NPAS3: variants seen among roughly 807,000 people sequenced by gnomAD.
The protein encoded by NPAS3 is neuronal PAS domain-containing protein 3.
In NPAS3, 14 loss-of-function variants were observed where a neutral mutation model predicts 73.1. The observed-to-expected ratio is 0.19, with a 90% confidence interval of 0.13 to 0.30. The LOEUF (loss-of-function observed/expected upper bound fraction) is 0.30. Ranked by LOEUF, NPAS3 falls within the 10% of genes least tolerant of loss-of-function variation. NPAS3 has a pLI of 1.00. For missense variants in NPAS3, 1,096 were observed against 1,250.0 expected (o/e 0.88, Z 1.86); for synonymous variants, 620 against 541.5 (o/e 1.14, Z -2.01).
intron 3 of NPAS3, among the ~76,000 whole-genome samples, chr14:33,293,197 A>G (rs1039321993): frequency 1.3e-5 from 2 of 152,200 alleles, no homozygotes; most frequent in African/African-American, 4.8e-5. Flanking sequence ...TTAATGATGA[A>G]AAATCTTAAG....
upstream of NPAS3, among the ~76,000 whole-genome samples, chr14:32,938,493 G>T (rs1168679646): frequency 9.7e-6 from 1 of 102,900 alleles, no homozygotes; most frequent in Admixed American, 8.4e-5. Context: ...AATTGAGAGA[G>T]AGAGAGAGAG....
intron 7 of NPAS3, among the ~76,000 whole-genome samples, chr14:33,758,041 C>A (rs776225257): frequency 6.6e-6 from 1 of 152,174 alleles, no homozygotes; most frequent in Non-Finnish European, 1.5e-5. Context: ...TGAATGTTGT[C>A]ACACTCCTAA....
intron 2 of NPAS3, among the ~76,000 whole-genome samples, chr14:33,091,563 A>G (rs189804502): frequency 6.6e-6 from 1 of 152,324 alleles, no homozygotes. Flanking sequence ...CCAGAGGTAT[A>G]AGGAGGAGCT....
intron 2 of NPAS3, among the ~76,000 whole-genome samples, chr14:33,104,149 G>T (rs1474104598): frequency 6.6e-6 from 1 of 152,140 alleles, no homozygotes; most frequent in Non-Finnish European, 1.5e-5. Flanking sequence ...ATCTCCCTGT[G>T]TGCTGAGTTC....
chr14:33,764,213 C>T (rs1348771565), intron 7 of NPAS3, among the ~76,000 whole-genome samples: 1 of 152,182 alleles, frequency 6.6e-6, no homozygotes, highest in African/African-American at 2.4e-5. Context: ...GCAGAATGCT[C>T]TCTAGGACTA....
intron 4 of NPAS3, among the ~76,000 whole-genome samples, chr14:33,482,868 A>G (rs1241468094): frequency 6.6e-6 from 1 of 152,318 alleles, no homozygotes; most frequent in Non-Finnish European, 1.5e-5. Context: ...CTCAGTTGGA[A>G]CTAAAGAATT....
At position 33,763,845 on chromosome 14, in the gene NPAS3, G is replaced by GT. The variant is rs5807742; in HGVS notation, c.853-10480dup. On this transcript the variant is annotated intron_variant, in intron 7 of 11. Transcript: ENST00000356141. ...TTTTATCTAAATTTGGGGAGTATTG[G>GT]TTTTTTTTTTTTCCAAAATATATAT... is the stretch of plus-strand genomic sequence containing the variant. 1.9e-3 allele frequency among the ~76,000 whole-genome samples: 269 copies of GT among 145,022 alleles called. 1 individual carries two copies. The highest frequency in any genetic ancestry group is 0.01 in the South Asian group (46 of 4,592).
intron 6 of NPAS3, among the ~76,000 whole-genome samples, chr14:33,732,397 G>A (rs150264356): frequency 2.0e-5 from 3 of 152,304 alleles, no homozygotes; most frequent in African/African-American, 7.2e-5. Flanking sequence ...TCTGTCACAT[G>A]CAGATAATCT....
At chr14:33,799,873 C>G in exon 12 of NPAS3, 1 of 1,614,198 alleles carries the variant, frequency 6.2e-7, no homozygotes, top group Non-Finnish European at 8.5e-7. Flanking sequence ...GCTCCAGTAA[C>G]CCGGACAGCC....
chr14:33,460,178 ATG>A (rs2050197780), intron 4 of NPAS3, among the ~76,000 whole-genome samples: 2 of 152,186 alleles, frequency 1.3e-5, no homozygotes, highest in Admixed American at 6.6e-5. Context: ...AACATTGGCA[ATG>A]AAAAAAAGAT....
At chr14:33,572,541 G>A (rs1006085892) in intron 5 of NPAS3, among the ~76,000 whole-genome samples, 6 of 152,122 alleles carry the variant, frequency 3.9e-5, no homozygotes, top group Non-Finnish European at 8.8e-5. Flanking sequence ...GCTTGCCCAA[G>A]ATCATACAAC....
intron 1 of NPAS3, among the ~76,000 whole-genome samples, chr14:33,005,143 C>T (rs184697811): frequency 1.2e-4 from 19 of 152,106 alleles, no homozygotes; most frequent in Admixed American, 7.9e-4. Context: ...GTAACTTAGT[C>T]ATTTATTATC....
intron 3 of NPAS3, among the ~76,000 whole-genome samples, chr14:33,354,109 A>T (rs1325333988): frequency 6.6e-6 from 1 of 152,086 alleles, no homozygotes; most frequent in Non-Finnish European, 1.5e-5. Context: ...AGAGTTTTTC[A>T]TCTATGTCTC....
chr14:33,607,829 G>A (rs199504552), intron 5 of NPAS3, among the ~76,000 whole-genome samples: 8 of 152,240 alleles, frequency 5.3e-5, no homozygotes, highest in East Asian at 3.9e-4. Context: ...GAATCATGGC[G>A]GAAGGGGAAG....
chr14:33,284,390 T>A (rs1446199314), intron 3 of NPAS3, among the ~76,000 whole-genome samples: 1 of 152,050 alleles, frequency 6.6e-6, no homozygotes, highest in Admixed American at 6.6e-5. Context: ...TTTCAAAAAA[T>A]TTATAGGTAG....
Position 33,800,566 on chromosome 14 carries a change from G to A in NPAS3, c.2259G>A (p.Ala753=), listed in dbSNP as rs1278266850. 6 of 1,312,834 alleles carry A rather than the reference G, an allele frequency of 4.6e-6. No homozygotes were observed. Among genetic ancestry groups the A allele is most frequent in the East Asian group, 3.2e-5 (1 of 30,944 alleles). The allele number at this position is 1,312,834 out of a possible 1,614,324, so 81.3% of individuals were successfully genotyped here. The change falls in exon 12 of 12, where the codon GCG becomes GCA. Residue 753 remains alanine, a synonymous_variant. Transcript: ENST00000356141. The surrounding 1 kb of genome is among the most constrained non-coding windows in gnomAD (Gnocchi z 6.5). ...ACCCGCTGTCACCCCCGCTCTCGGC[G>A]TCCCCGCGGGACAAGCACCCCGGGA...
At chr14:33,570,040 T>G (rs570873109) in intron 5 of NPAS3, among the ~76,000 whole-genome samples, 67 of 152,278 alleles carry the variant, frequency 4.4e-4, no homozygotes, top group African/African-American at 1.6e-3. Flanking sequence ...TTGTGTTCCT[T>G]TAAGTGGTGA....
chr14:33,154,160 T>G (rs1298500544), intron 2 of NPAS3, among the ~76,000 whole-genome samples: 2 of 152,216 alleles, frequency 1.3e-5, no homozygotes, highest in Non-Finnish European at 2.9e-5. Flanking sequence ...TTTTGGCTCC[T>G]GGAGCCTGGG....
At chr14:33,425,679 C>T (rs1013593002) in intron 4 of NPAS3, among the ~76,000 whole-genome samples, 3 of 151,926 alleles carry the variant, frequency 2.0e-5, no homozygotes, top group Non-Finnish European at 2.9e-5. Flanking sequence ...TCCTTTTATA[C>T]GGGAACAAAA....
Sources: allele counts gnomAD v4.1 joint callset (sites outside exome capture counted in the v4.1 genomes callset), GRCh38; gene constraint gnomAD v4.1.1; non-coding constraint Gnocchi (gnomAD v3.1); transcripts MANE v1.5; gene names NCBI Gene and HGNC (gene_info 2026-07-23, HGNC 2026-07-21).